DNAH11: variants seen among roughly 807,000 people sequenced by gnomAD.
DNAH11 encodes dynein axonemal heavy chain 11, also known as axonemal beta dynein heavy chain 11.
In DNAH11, 442 loss-of-function variants were observed where a neutral mutation model predicts 526.0. The ratio of observed to expected loss-of-function variants is 0.84; its 90% confidence interval spans 0.78 to 0.91. DNAH11 has a LOEUF of 0.91. DNAH11 is among the 40% of genes least tolerant of loss of function. The pLI, the probability that DNAH11 is intolerant of heterozygous loss-of-function variation, is 0.00. For missense variants in DNAH11, 6,989 were observed against 5,448.7 expected, an observed-to-expected ratio of 1.28 and a Z score of -8.90; for synonymous variants, 2,461 against 1,935.9, an observed-to-expected ratio of 1.27 and a Z score of -7.12.
At chr7:21,714,820 A>G (rs1784590441) in intron 42 of DNAH11, among the ~76,000 whole-genome samples, 1 of 152,158 alleles carries the variant, frequency 6.6e-6, no homozygotes, top group South Asian at 2.1e-4. Flanking sequence ...TTGCTGAAAT[A>G]TATGAAAGTA....
chr7:21,889,285 TATCTC>T lies in DNAH11; in HGVS notation c.12508-3135_12508-3131del, dbSNP rs564292777. On this transcript the variant is annotated intron_variant, in intron 76 of 81. Coordinates refer to ENST00000409508, the MANE Select transcript of DNAH11 (RefSeq NM_001277115.2). ...TTGTATGGACATAGCACATTTTGTT[TATCTC>T]ATCTGTCAGTGGACATTTGGGTTGT... Among the ~76,000 whole-genome samples the T allele has an allele frequency of 3.3e-5, 5 of 152,382 alleles. No individual in the cohort carries two copies. The South Asian group carries it at 1.0e-3, about 32-fold the overall frequency.
At position 21,901,768 on chromosome 7, in the gene DNAH11, AGTG is replaced by A. The variant is rs1280462523; in HGVS notation, c.*515_*517del. On this transcript the variant is annotated 3_prime_UTR_variant, in exon 82 of 82. Transcript: ENST00000409508. ...GCACTCTGTAAGGCCTCCAGTGTCC[AGTG>A]TCTACAATGTTGATGGTCCCCTTTT... is the stretch of plus-strand genomic sequence containing the variant. 52 of 159,710 alleles carry A rather than the reference AGTG, an allele frequency of 3.3e-4. No individual in the cohort carries two copies. Among genetic ancestry groups the A allele is most frequent in the Admixed American group, 6.6e-4 (11 of 16,728 alleles). The allele number at this position is 159,710 out of a possible 1,614,324, so 9.9% of individuals were successfully genotyped here. A position where few individuals can be genotyped will look rare whatever the true frequency, so the allele number is the denominator to read the frequency against.
At chr7:21,898,894 C>G (rs989550773) in intron 79 of DNAH11, among the ~76,000 whole-genome samples, 3 of 152,184 alleles carry the variant, frequency 2.0e-5, no homozygotes, top group Non-Finnish European at 4.4e-5. Flanking sequence ...GCTGTTCCCT[C>G]TGCTTATCAA....
intron 2 of DNAH11, among the ~76,000 whole-genome samples, chr7:21,557,208 A>C (rs1347559647): frequency 6.6e-6 from 1 of 152,158 alleles, no homozygotes; most frequent in Non-Finnish European, 1.5e-5. Context: ...CATTTCTCTC[A>C]GGGGTACTGG....
At chr7:21,742,973 G>A (rs1233002777) in intron 49 of DNAH11, among the ~76,000 whole-genome samples, 1 of 152,234 alleles carries the variant, frequency 6.6e-6, no homozygotes, top group Non-Finnish European at 1.5e-5. Context: ...GGTGCCTTAA[G>A]TGGTGCATCC....
chr7:21,853,802 G>T (rs1782729130), intron 67 of DNAH11, among the ~76,000 whole-genome samples: 1 of 152,192 alleles, frequency 6.6e-6, no homozygotes, highest in South Asian at 2.1e-4. Flanking sequence ...TGGACATATG[G>T]ATGATCCAGT....
At chr7:21,727,529 T>A (rs541214143) in intron 45 of DNAH11, among the ~76,000 whole-genome samples, 1 of 152,356 alleles carries the variant, frequency 6.6e-6, no homozygotes, top group Non-Finnish European at 1.5e-5. Context: ...CTTCACTGTT[T>A]CTTTTCATAG....
chr7:21,859,996 AC>A (rs1448991603), intron 68 of DNAH11, among the ~76,000 whole-genome samples: 7 of 152,100 alleles, frequency 4.6e-5, no homozygotes, highest in African/African-American at 1.7e-4. Flanking sequence ...ACACAGAGAA[AC>A]CCTGTCTCTA....
At chr7:21,784,970 A>G (rs1005537268) in intron 58 of DNAH11, among the ~76,000 whole-genome samples, 2 of 152,214 alleles carry the variant, frequency 1.3e-5, no homozygotes, top group Non-Finnish European at 2.9e-5. Flanking sequence ...GAGCAAAGAT[A>G]CCTAGGTTTG....
rs374770394 is a variant in DNAH11, at chr7:21,660,762, T to A, written c.5328+1731T>A. Reference sequence around the variant, plus strand: ...AAATCTGTAGCTATTTATATATAAGTGTAATTATTTATGTAGCTATGTATC... The same window carrying A: ...AAATCTGTAGCTATTTATATATAAGAGTAATTATTTATGTAGCTATGTATC... On this transcript the variant is annotated intron_variant, in intron 30 of 81. Coordinates refer to ENST00000409508, the MANE Select transcript of DNAH11 (RefSeq NM_001277115.2). Among the ~76,000 whole-genome samples the A allele has an allele frequency of 3.9e-5, 6 of 152,172 alleles. No homozygotes were observed. The East Asian group carries it at 9.6e-4, about 24-fold the overall frequency.
chr7:21,565,875 A>C (rs1783646669), intron 6 of DNAH11, among the ~76,000 whole-genome samples: 1 of 152,214 alleles, frequency 6.6e-6, no homozygotes, highest in African/African-American at 2.4e-5. Context: ...AGATAACAAC[A>C]GGTCGATTCC....
intron 73 of DNAH11, among the ~76,000 whole-genome samples, chr7:21,871,392 A>G (rs543254012): frequency 1.2e-4 from 19 of 152,330 alleles, no homozygotes; most frequent in African/African-American, 4.3e-4. Flanking sequence ...CAAAGCCAGT[A>G]CCCTCAAGAA....
chr7:21,575,862 G>A (rs1222821099), intron 8 of DNAH11, among the ~76,000 whole-genome samples: 1 of 152,152 alleles, frequency 6.6e-6, no homozygotes, highest in Non-Finnish European at 1.5e-5. Flanking sequence ...GTCATTCTGT[G>A]TCACTACAAT....
At chr7:21,818,073 G>A (rs1789883213) in intron 64 of DNAH11, 144 bp from the exon 65 acceptor site, 1 of 684,916 alleles carries the variant, frequency 1.5e-6, no homozygotes, top group Non-Finnish European at 2.3e-6. Context: ...TCTAGTGGAA[G>A]GGAACTACTA....
intron 5 of DNAH11, chr7:21,561,393 A>T: frequency 2.5e-6 from 1 of 393,934 alleles, no homozygotes; most frequent in Non-Finnish European, 4.5e-6. Flanking sequence ...AAATGGCTCC[A>T]GATTGAAATT....
Position 21,543,371 on chromosome 7 carries a change from G to C in DNAH11, c.126G>C (p.Glu42Asp), listed in dbSNP as rs748250611. 3.9e-6 allele frequency: 6 copies of C among 1,551,618 alleles called. No homozygotes were observed. Among genetic ancestry groups the C allele is most frequent in the Non-Finnish European group, 5.2e-6 (6 of 1,146,794 alleles). Residue 42 changes from glutamate to aspartate, a missense_variant, in exon 1 of 82, where the codon GAG becomes GAC. Transcript: ENST00000409508. ...AGCTCGAGGAGGAGGAGGAGAACGA[G>C]GAGGAGGCGGCGGCCAGGAGAGCGC... ...AVELEEEEEN[E>D]EEAAARRARS... is the part of the protein sequence containing the mutation.
intron 10 of DNAH11, 102 bp downstream of exon 10, chr7:21,588,303 C>G (rs530073191): frequency 7.1e-7 from 1 of 1,417,874 alleles, no homozygotes; most frequent in Admixed American, 2.5e-5. Context: ...TAGATATAGG[C>G]ACTACATTTT....
intron 54 of DNAH11, among the ~76,000 whole-genome samples, chr7:21,753,328 C>G (rs761353585): frequency 6.6e-6 from 1 of 152,188 alleles, no homozygotes; most frequent in Non-Finnish European, 1.5e-5. Context: ...GCTTCCCATG[C>G]TGCCTCCGGC....
At chr7:21,777,105 T>C (rs1787707617) in intron 56 of DNAH11, among the ~76,000 whole-genome samples, 1 of 152,166 alleles carries the variant, frequency 6.6e-6, no homozygotes, top group African/African-American at 2.4e-5. Flanking sequence ...CCCCACCTCC[T>C]GAATCCTAGT....
Sources: gnomAD v4.1 joint callset for allele counts (sites outside exome capture counted in the v4.1 genomes callset) on GRCh38, gnomAD v4.1.1 for gene constraint, MANE v1.5 for transcripts, NCBI Gene and HGNC (gene_info 2026-07-23, HGNC 2026-07-21) for gene names.